Variants in AHI1 observed in about 807,000 individuals in gnomAD.
AHI1 encodes the protein Abelson helper integration site 1.
In AHI1, 123 loss-of-function variants were observed where a neutral mutation model predicts 149.3. The ratio of observed to expected loss-of-function variants is 0.82; its 90% CI spans 0.71 to 0.96. The LOEUF (loss-of-function observed/expected upper bound fraction) is 0.96. Ranked by LOEUF, AHI1 falls within the 40% of genes least tolerant of loss-of-function variation. AHI1 has a pLI of 0.00. For missense variants in AHI1, 1,439 were observed against 1,422.7 expected, an observed-to-expected ratio of 1.01 and a Z score of -0.18; for synonymous variants, 475 against 459.8, an observed-to-expected ratio of 1.03 and a Z score of -0.42.
chr6:135,351,949 C>T (rs889540101), intron 24 of AHI1, among the ~76,000 whole-genome samples: 16 of 152,158 alleles, frequency 1.1e-4, no homozygotes, highest in Non-Finnish European at 4.4e-5. Flanking sequence ...TAGGCCTGGG[C>T]CTTCCAATGA....
chr6:135,432,643 C>T (rs1040808468), intron 16 of AHI1, among the ~76,000 whole-genome samples: 7 of 152,062 alleles, frequency 4.6e-5, no homozygotes, highest in African/African-American at 7.2e-5. Context: ...CGAACCACCG[C>T]GCCCGGCCAC....
At chr6:135,486,852 C>T (rs574113491) in intron 5 of AHI1, among the ~76,000 whole-genome samples, 37 of 152,238 alleles carry the variant, frequency 2.4e-4, no homozygotes, top group Middle Eastern at 3.4e-3. Context: ...ACTGCAGCCT[C>T]GACTTCCCAG....
chr6:135,454,979 G>C (rs1788692206), intron 10 of AHI1, among the ~76,000 whole-genome samples: 2 of 152,266 alleles, frequency 1.3e-5, no homozygotes, highest in South Asian at 4.1e-4. Context: ...CAAGTCCCCT[G>C]CTGTTCCCAT....
Position 135,323,312 on chromosome 6 carries a change from A to G in AHI1, c.3178T>C (p.Tyr1060His). ...TCTGATCGATTCGCTGTGTAGTCATAAAGAGCCACTACCTAAGAGAGAGAT... is the reference window on the plus strand; with the variant it reads ...TCTGATCGATTCGCTGTGTAGTCATGAAGAGCCACTACCTAAGAGAGAGAT... ...VDTAPTVVAL[Y>H]DYTANRSDEL... The change falls in exon 25 of 29, where the codon TAT becomes CAT. Residue 1060 changes from tyrosine to histidine, a missense_variant. Tyr to His is a moderately conservative substitution (Grantham distance 83). Coordinates refer to ENST00000265602, the MANE Select transcript of AHI1 (RefSeq NM_001134831.2). 3 of 1,613,504 alleles carry G rather than the reference A, an allele frequency of 1.9e-6. No individual in the cohort carries two copies. The African/African-American group carries it at 4.0e-5, about 22-fold the overall frequency.
chr6:135,347,635 G>A (rs1163716220), intron 24 of AHI1, among the ~76,000 whole-genome samples: 1 of 152,094 alleles, frequency 6.6e-6, no homozygotes, highest in Non-Finnish European at 1.5e-5. Context: ...CATAGTAGGT[G>A]CCCAATAAAT....
chr6:135,308,432 C>T (rs1784780438), intron 26 of AHI1, among the ~76,000 whole-genome samples: 1 of 152,126 alleles, frequency 6.6e-6, no homozygotes, highest in Non-Finnish European at 1.5e-5. Context: ...GATGGGGTTT[C>T]ACCATGTTGC....
At chr6:135,388,127 T>C (rs765333574) in intron 23 of AHI1, 47 of 1,362,114 alleles carry the variant, frequency 3.5e-5, no homozygotes, top group Non-Finnish European at 4.5e-5. Flanking sequence ...CATCTGCCTA[T>C]AGAAATCAGT....
chr6:135,436,363 T>G (rs1785401833), intron 15 of AHI1, among the ~76,000 whole-genome samples: 1 of 152,026 alleles, frequency 6.6e-6, no homozygotes, highest in Admixed American at 6.5e-5. Context: ...ATTACTACAG[T>G]GAAGGCAAGC....
At chr6:135,434,641 T>C (rs969663703) in intron 15 of AHI1, among the ~76,000 whole-genome samples, 1 of 152,010 alleles carries the variant, frequency 6.6e-6, no homozygotes, top group South Asian at 2.1e-4. Flanking sequence ...GAATCAATGA[T>C]GGTTTCTGTT....
At chr6:135,323,786 T>C (rs995783621) in intron 24 of AHI1, among the ~76,000 whole-genome samples, 17 of 152,254 alleles carry the variant, frequency 1.1e-4, no homozygotes, top group Admixed American at 2.6e-4. Flanking sequence ...TTACTGTTAA[T>C]GTCTTTTTTT....
At chr6:135,297,759 C>T (rs979019650) in intron 27 of AHI1, among the ~76,000 whole-genome samples, 1 of 151,366 alleles carries the variant, frequency 6.6e-6, no homozygotes, top group Admixed American at 6.6e-5. Context: ...TGGCAAGTAG[C>T]AGGATTATTT....
rs371156038 is a variant in AHI1 at position 135,403,779 on chromosome 6, T to C, written c.2988+1172A>G. Among the ~76,000 whole-genome samples the C allele has an allele frequency of 1.6e-3, 237 of 152,244 alleles. 1 individual carries two copies. The highest frequency in any genetic ancestry group is 5.5e-3 in the African/African-American group (227 of 41,562). On this transcript the variant is annotated intron_variant, in intron 22 of 28. Coordinates refer to ENST00000265602, the MANE Select transcript of AHI1 (RefSeq NM_001134831.2). ...AACATCTGCAGTACAAGTCAGAATA[T>C]AGCTTGTTCTCTTTTCCCCCCTCGT...
At chr6:135,431,113 G>T (rs914457230) in intron 17 of AHI1, 95 bp downstream of exon 17, 2 of 743,452 alleles carry the variant, frequency 2.7e-6, no homozygotes, top group South Asian at 2.8e-5. Flanking sequence ...TGAAATGAGA[G>T]AACAGAATGT....
chr6:135,420,970 G>C (rs1261115868), intron 20 of AHI1, among the ~76,000 whole-genome samples: 1 of 151,946 alleles, frequency 6.6e-6, no homozygotes, highest in Non-Finnish European at 1.5e-5. Context: ...CCTTTCACTT[G>C]AATACTTAAA....
Position 135,457,661 on chromosome 6 carries a change from G to A in AHI1, c.984C>T (p.Ser328=), listed in dbSNP as rs1789189838. 2.5e-6 allele frequency: 4 copies of A among 1,613,742 alleles called. No individual in the cohort carries two copies. In the East Asian group the frequency reaches 8.9e-5, roughly 36 times the overall value. ...ATTTGGGATAAACCGGGCTATCTCG[G>A]CTTGTTATTTCATGAACACCATCAC... ...VDGDGVHEIT[S]RDSPVYPKCL... is the part of the protein sequence containing the mutation. Residue 328 remains serine (S), a synonymous_variant, in exon 9 of 29, where the codon AGC becomes AGT. Transcript: ENST00000265602.
Position 135,455,919 on chromosome 6 carries a change from G to T in AHI1, c.1159C>A (p.Pro387Thr). 1 of 1,452,310 alleles carries T rather than the reference G, an allele frequency of 6.9e-7. No homozygotes were observed. The highest frequency in any genetic ancestry group is 9.2e-7 in the Non-Finnish European group (1 of 1,091,360). 90.0% of individuals were successfully genotyped at this position (1,452,310 alleles called of 1,614,324 possible). A position where few individuals can be genotyped will look rare whatever the true frequency, so the allele number is the denominator to read the frequency against. Residue 387 changes from proline (P) to threonine (T), a missense_variant, in exon 10 of 29, where the codon CCT (proline) becomes ACT (threonine). Coordinates refer to ENST00000265602, the MANE Select transcript of AHI1 (RefSeq NM_001134831.2). ...TCTTTTTCATAGTAAGATGAAACAG[G>T]CCGTCCACTGTACAAAAAAAGATAC... ...QYVKKDDSGR[P>T]VSSYYEKENV...
At chr6:135,442,424 T>C (rs1315352048) in intron 14 of AHI1, among the ~76,000 whole-genome samples, 158 bp downstream of exon 14, 4 of 152,132 alleles carry the variant, frequency 2.6e-5, no homozygotes, top group Admixed American at 2.6e-4. Context: ...AAGTGTAAAA[T>C]TATTACAAAA....
rs774316844 is a variant in AHI1, at chr6:135,474,342, C to T, written c.136-6708G>A. ...CCTGTAAAAATTGCATTACCGCATT[C>T]GTCAGGGTCTCCAGTACAATTGTGA... On this transcript the variant is annotated intron_variant, in intron 5 of 28. Coordinates refer to ENST00000265602, the MANE Select transcript of AHI1 (RefSeq NM_001134831.2). 2.4e-4 allele frequency among the ~76,000 whole-genome samples: 37 copies of T among 152,270 alleles called. 1 individual carries two copies. The highest frequency in any genetic ancestry group is 8.3e-4 in the South Asian group (4 of 4,830).
chr6:135,377,283 T>C (rs185274171), intron 23 of AHI1, among the ~76,000 whole-genome samples: 1 of 152,222 alleles, frequency 6.6e-6, no homozygotes, highest in Admixed American at 6.5e-5. Flanking sequence ...TAAAAAAAAT[T>C]TCAAAATAAA....
Sources: gnomAD v4.1 joint callset for allele counts (sites outside exome capture counted in the v4.1 genomes callset) on GRCh38, gnomAD v4.1.1 for gene constraint, MANE v1.5 for transcripts, NCBI Gene and HGNC (gene_info 2026-07-23, HGNC 2026-07-21) for gene names.